RNF17: variants seen among roughly 807,000 people sequenced by gnomAD.
RNF17 encodes the protein ring finger protein 17, also known as spermatogenesis associated 23.
A neutral mutation model predicts 200.5 loss-of-function variants in RNF17; 31 were observed. The ratio of observed to expected loss-of-function variants is 0.15; its 90% CI spans 0.12 to 0.21. RNF17 has a LOEUF of 0.21. RNF17 is among the 10% of genes least tolerant of loss of function. RNF17 has a pLI of 1.00. For missense variants in RNF17, 1,628 were observed against 1,905.1 expected (o/e 0.85, Z 2.71); for synonymous variants, 606 against 637.8 (o/e 0.95, Z 0.75).
chr13:24,848,967 GCCAAGTTATGTGC>G (rs969623056), intron 22 of RNF17, among the ~76,000 whole-genome samples: 1 of 152,054 alleles, frequency 6.6e-6, no homozygotes, highest in Admixed American at 6.6e-5. Context: ...ATCCTGTTTG[GCCAAGTTATGTGC>G]CCAGTTGATT....
At chr13:24,875,671 G>A (rs1490645387) in intron 33 of RNF17, among the ~76,000 whole-genome samples, 2 of 152,182 alleles carry the variant, frequency 1.3e-5, no homozygotes, top group African/African-American at 4.8e-5. Context: ...AACTGTAATT[G>A]CAGAGGAAGC....
chr13:24,761,768 T>C (rs1271195641), upstream of RNF17, among the ~76,000 whole-genome samples: 2 of 152,202 alleles, frequency 1.3e-5, no homozygotes, highest in African/African-American at 2.4e-5. Flanking sequence ...TCTTGGTAAG[T>C]GCTAAGAAAT....
At chr13:24,866,268 G>C (rs553026598) in intron 30 of RNF17, 65 bp downstream of exon 30, 76 of 830,896 alleles carry the variant, frequency 9.1e-5, no homozygotes, top group Non-Finnish European at 1.3e-4. Context: ...ATCTGATACA[G>C]GACAGAAAGC....
At chr13:24,802,891 G>A (rs1408410641) in intron 14 of RNF17, among the ~76,000 whole-genome samples, 4 of 152,042 alleles carry the variant, frequency 2.6e-5, no homozygotes, top group Admixed American at 6.6e-5. Context: ...TCTCTACAAC[G>A]AAATACAAAA....
intron 18 of RNF17, among the ~76,000 whole-genome samples, chr13:24,837,144 C>T (rs937073856): frequency 5.9e-5 from 9 of 152,084 alleles, no homozygotes; most frequent in African/African-American, 1.4e-4. Context: ...CGTTATATAA[C>T]GGTAGACGGC....
chr13:24,887,745 A>C, the RNF17 span, among the ~76,000 whole-genome samples: 1 of 152,324 alleles, frequency 6.6e-6, no homozygotes, highest in African/African-American at 2.4e-5. Context: ...CCCTTACCCC[A>C]GTCCATGGAA....
intron 34 of RNF17, among the ~76,000 whole-genome samples, chr13:24,877,885 G>A (rs1241146969): frequency 6.6e-6 from 1 of 152,158 alleles, no homozygotes; most frequent in Non-Finnish European, 1.5e-5. Context: ...GTAGCCCACA[G>A]GCAGAATCTG....
chr13:24,845,038 A>G lies in RNF17; in HGVS notation c.3060A>G (p.Thr1020=), dbSNP rs6490984. The G allele has an allele frequency of 0.86, 1,369,683 of 1,593,234 alleles. 589,422 individuals carry two copies. Among genetic ancestry groups the G allele is most frequent in the Middle Eastern group, 0.94 (5,645 of 5,996 alleles). Residue 1020 remains threonine (T), a synonymous_variant, in exon 22 of 36, where the codon ACA becomes ACG. Coordinates refer to ENST00000255324, the MANE Select transcript of RNF17 (RefSeq NM_031277.3). The part of the protein sequence containing the change: ...CLRKLEENLK[T]MGRLSLECSL... The stretch of plus-strand genomic sequence containing the variant: ...GAAAACTTGAAGAAAATCTAAAGAC[A>G]ATGGGAAGACTCTCTTTGGAATGTT...
Position 24,879,250 on chromosome 13 carries a change from T to C in RNF17, c.4837T>C (p.Leu1613=). The C allele has an allele frequency of 6.2e-7, 1 of 1,613,528 alleles. No homozygotes were observed. Among genetic ancestry groups the C allele is most frequent in the African/African-American group, 1.3e-5 (1 of 75,026 alleles). The stretch of plus-strand genomic sequence containing the variant: ...TGAACAGCATCCAGTTCATATGCCG[T>C]TGGTAGAAATGGGGCTTGCAGATAA... ...DDEQHPVHMP[L]VEMGLADKDE The change falls in exon 35 of 36, where the codon TTG becomes CTG. Residue 1613 remains leucine, a synonymous_variant. Coordinates refer to ENST00000255324, the MANE Select transcript of RNF17 (RefSeq NM_031277.3).
At chr13:24,827,922 T>C (rs190780070) in intron 16 of RNF17, among the ~76,000 whole-genome samples, 7 of 151,990 alleles carry the variant, frequency 4.6e-5, no homozygotes, top group Admixed American at 1.3e-4. Flanking sequence ...AGCCCTTTTA[T>C]AAGGGCACCT....
At chr13:24,800,658 T>A in intron 13 of RNF17, 124 bp downstream of exon 13, 1 of 650,810 alleles carries the variant, frequency 1.5e-6, no homozygotes, top group Non-Finnish European at 2.5e-6. Flanking sequence ...TAGTGCATAT[T>A]AAACTGTTAG....
At chr13:24,829,987 C>T (rs1197977763) in intron 16 of RNF17, among the ~76,000 whole-genome samples, 2 of 152,024 alleles carry the variant, frequency 1.3e-5, no homozygotes, top group Non-Finnish European at 2.9e-5. Context: ...TTACTTTGTA[C>T]CTTGTGCTTT....
intron 27 of RNF17, among the ~76,000 whole-genome samples, chr13:24,862,374 A>G (rs936494872): frequency 2.6e-5 from 4 of 152,334 alleles, no homozygotes; most frequent in African/African-American, 9.6e-5. Flanking sequence ...ATGAATACAT[A>G]TTGTAGGCCT....
In RNF17 at chr13:24,767,529, C is replaced by G. The variant is rs530881151; in HGVS notation, c.225+163C>G. On this transcript the variant is annotated intron_variant, in intron 2 of 35. Coordinates refer to ENST00000255324, the MANE Select transcript of RNF17 (RefSeq NM_031277.3). ...CTTTTGGAGGCTGAGGCGGGCAGAT[C>G]ACGAGATCAAGAGATCAAGACCACC... Among the ~76,000 whole-genome samples, 19 of 152,124 alleles carry G rather than the reference C, an allele frequency of 1.2e-4. 1 individual carries two copies. The highest frequency in any genetic ancestry group is 4.1e-4 in the South Asian group (2 of 4,822).
rs60553495 is a variant in RNF17, at chr13:24,856,419, CAA to C, written c.3610+2293_3610+2294del. ...TGGGTGACAGAGCAAGAATCCGTCT[CAA>C]AAAAAAAAAAAAAAAAATCCTTTCT... is the stretch of plus-strand genomic sequence containing the variant. On this transcript the variant is annotated intron_variant, in intron 25 of 35. Coordinates refer to ENST00000255324, the MANE Select transcript of RNF17 (RefSeq NM_031277.3). Among the ~76,000 whole-genome samples the C allele has an allele frequency of 7.0e-3, 712 of 101,566 alleles. 14 individuals are homozygous for C. In the East Asian group the frequency reaches 0.1, roughly 15 times the overall value. 66.6% of individuals were successfully genotyped at this position (101,566 alleles called of 152,430 possible).
chr13:24,838,499 T>G (rs1269641482), intron 18 of RNF17, among the ~76,000 whole-genome samples: 1 of 152,196 alleles, frequency 6.6e-6, no homozygotes, highest in East Asian at 1.9e-4. Context: ...GTGAGTTTCA[T>G]ACCAGGGATG....
At chr13:24,762,709 T>C, upstream of RNF17, among the ~76,000 whole-genome samples, 1 of 152,158 alleles carries the variant, frequency 6.6e-6, no homozygotes, top group East Asian at 1.9e-4. Flanking sequence ...AAATGAGGAA[T>C]ATGGGCAGGC....
intron 25 of RNF17, among the ~76,000 whole-genome samples, chr13:24,857,182 G>C (rs904165988): frequency 5.3e-5 from 8 of 152,030 alleles, no homozygotes; most frequent in African/African-American, 1.9e-4. Flanking sequence ...TGAAGTAGTT[G>C]GGTTTTTAGC....
the RNF17 span, chr13:24,886,535 T>C: frequency 2.3e-6 from 1 of 431,714 alleles, no homozygotes; most frequent in Non-Finnish European, 4.5e-6. Flanking sequence ...CTACTGGGAG[T>C]GGATGGTGAA....
Sources: gnomAD v4.1 joint callset for allele counts (sites outside exome capture counted in the v4.1 genomes callset) on GRCh38, gnomAD v4.1.1 for gene constraint, MANE v1.5 for transcripts, NCBI Gene and HGNC (gene_info 2026-07-23, HGNC 2026-07-21) for gene names.